GCH1: variants seen among roughly 807,000 people sequenced by gnomAD.
GCH1 encodes the protein GTP cyclohydrolase I.
In GCH1, 5 loss-of-function variants were observed where a neutral mutation model predicts 25.9. The ratio of observed to expected loss-of-function variants is 0.19; its 90% CI spans 0.10 to 0.41. The LOEUF (loss-of-function observed/expected upper bound fraction) is 0.41. GCH1 is among the 10% of genes least tolerant of loss of function. The pLI, the probability that GCH1 is intolerant of heterozygous loss-of-function variation, is 1.00. For synonymous variants in GCH1, 159 were observed against 129.6 expected (o/e 1.23, Z -1.54); for missense variants, 261 against 336.5 (o/e 0.78, Z 1.75).
intron 2 of GCH1, among the ~76,000 whole-genome samples, chr14:54,861,215 T>C (rs1288327882): frequency 2.0e-5 from 3 of 152,182 alleles, no homozygotes; most frequent in Admixed American, 6.5e-5. Context: ...CTTTAGGAAT[T>C]TGAGAAGTCC....
rs534876608 is a variant in GCH1, at chr14:54,849,351, T to A, written c.510-2221A>T. Among the ~76,000 whole-genome samples, 290 of 151,554 alleles carry A rather than the reference T, an allele frequency of 1.9e-3. 3 individuals are homozygous for A. Among genetic ancestry groups the A allele is most frequent in the Admixed American group, 4.7e-3 (71 of 15,206 alleles). ...AGCTTCCCTAGATTAAAAAAAAAAA[T>A]CTTTATTTTGCTGTCATTCTGGAAA... is the stretch of plus-strand genomic sequence containing the variant. On this transcript the variant is annotated intron_variant, in intron 3 of 5. Coordinates refer to ENST00000491895, the MANE Select transcript of GCH1 (RefSeq NM_000161.3).
chr14:54,859,665 G>A lies in GCH1; in HGVS notation c.509+16C>T, dbSNP rs1167656938. ...CTATAAACCTGTATTCTTGTTCACT[G>A]CACAGTCACACTTACCTCGCAAGTT... is the stretch of plus-strand genomic sequence containing the variant. On this transcript the variant is annotated intron_variant, in intron 3 of 5. Coordinates refer to ENST00000491895, the MANE Select transcript of GCH1 (RefSeq NM_000161.3). 1 of 1,486,840 alleles carries A rather than the reference G, an allele frequency of 6.7e-7. No homozygotes were observed. Among genetic ancestry groups the A allele is most frequent in the Non-Finnish European group, 9.4e-7 (1 of 1,064,284 alleles). The allele number at this position is 1,486,840 out of a possible 1,614,324, so 92.1% of individuals were successfully genotyped here.
chr14:54,875,490 A>C (rs889028186), intron 1 of GCH1, among the ~76,000 whole-genome samples: 4 of 152,232 alleles, frequency 2.6e-5, no homozygotes, highest in African/African-American at 9.6e-5. Context: ...AATTAAACTA[A>C]AGAGCTTCTG....
intron 1 of GCH1, chr14:54,885,324 G>T: frequency 4.2e-6 from 1 of 240,562 alleles, no homozygotes; most frequent in South Asian, 5.8e-5. Flanking sequence ...TCTTTTCAGT[G>T]AACCAGTCAA....
intron 3 of GCH1, among the ~76,000 whole-genome samples, chr14:54,850,046 C>T (rs2039701814): frequency 6.6e-6 from 1 of 152,216 alleles, no homozygotes; most frequent in Middle Eastern, 3.4e-3. Context: ...ACAATCTTAG[C>T]TCATTGGAAC....
intron 1 of GCH1, 102 bp from the exon 2 acceptor site, chr14:54,865,538 C>T (rs755074060): frequency 1.4e-6 from 1 of 700,230 alleles, no homozygotes. Flanking sequence ...CGTTAATCCT[C>T]CCTAAAATAT....
At chr14:54,873,194 T>C (rs2040106899) in intron 1 of GCH1, among the ~76,000 whole-genome samples, 1 of 152,140 alleles carries the variant, frequency 6.6e-6, no homozygotes, top group Non-Finnish European at 1.5e-5. Context: ...ATAAATTCAC[T>C]CAAAACTGCT....
chr14:54,867,943 T>G (rs2140078260), intron 1 of GCH1, among the ~76,000 whole-genome samples: 1 of 152,316 alleles, frequency 6.6e-6, no homozygotes, highest in South Asian at 2.1e-4. Context: ...AGAGGCTACC[T>G]TAACCAAATG....
intron 1 of GCH1, among the ~76,000 whole-genome samples, chr14:54,874,010 C>A (rs2040120773): frequency 6.6e-6 from 1 of 152,140 alleles, no homozygotes; most frequent in Admixed American, 6.5e-5. Context: ...CAGCATCATC[C>A]TGATACCAAA....
At chr14:54,886,051 C>T in intron 1 of GCH1, 1 of 210,518 alleles carries the variant, frequency 4.8e-6, no homozygotes. Context: ...GTACTTGTCT[C>T]CAGTGGCAGT....
chr14:54,876,742 G>A (rs546967506), intron 1 of GCH1, among the ~76,000 whole-genome samples: 42 of 152,024 alleles, frequency 2.8e-4, no homozygotes, highest in African/African-American at 9.2e-4. Context: ...GTGGAAGGAG[G>A]AGCTATGAAC....
At chr14:54,888,119 A>C (rs2040377114) in intron 1 of GCH1, among the ~76,000 whole-genome samples, 1 of 152,246 alleles carries the variant, frequency 6.6e-6, no homozygotes, top group Non-Finnish European at 1.5e-5. Flanking sequence ...GGAAGACCAT[A>C]GATCCCAAGA....
intron 2 of GCH1, among the ~76,000 whole-genome samples, chr14:54,861,395 T>C (rs1186762321): frequency 1.3e-5 from 2 of 152,296 alleles, no homozygotes; most frequent in East Asian, 3.9e-4. Context: ...TTGTTTATAC[T>C]ATTTTTGGTC....
intron 3 of GCH1, among the ~76,000 whole-genome samples, chr14:54,854,133 G>T (rs910770080): frequency 2.0e-5 from 3 of 152,204 alleles, no homozygotes; most frequent in Non-Finnish European, 4.4e-5. Context: ...GTAGATTTGT[G>T]ATTTCTGTTC....
In GCH1 at chr14:54,842,610, TA is replaced by T. The variant is rs2039575355; in HGVS notation, c.*1406del. 1 of 165,054 alleles carries T rather than the reference TA, an allele frequency of 6.1e-6. No homozygotes were observed. The highest frequency in any genetic ancestry group is 1.7e-4 in the East Asian group (1 of 6,004). 10.2% of individuals were successfully genotyped at this position (165,054 alleles called of 1,614,324 possible). A position where few individuals can be genotyped will look rare whatever the true frequency, so the allele number is the denominator to read the frequency against. ...CCATCTTGCCCCATCATAACCCAAATAGCATCAAAGTGGCAGAGATGGGACT... is the reference window on the plus strand; with the variant it reads ...CCATCTTGCCCCATCATAACCCAAATGCATCAAAGTGGCAGAGATGGGACT... On this transcript the variant is annotated 3_prime_UTR_variant, in exon 6 of 6. Transcript: ENST00000491895.
At position 54,892,248 on chromosome 14, in the gene GCH1, A is replaced by G. The variant is rs115350941; in HGVS notation, c.343+10073T>C. Among the ~76,000 whole-genome samples, 1,437 of 152,332 alleles carry G rather than the reference A, an allele frequency of 9.4e-3. 28 individuals are homozygous for G. The highest frequency in any genetic ancestry group is 0.033 in the African/African-American group (1,351 of 41,568). Reference sequence around the variant, plus strand: ...AATTTATTCTGAATGATGGCAATCCAGTTTGGTACTACCCTCAGTTTCAGG... The same window carrying G: ...AATTTATTCTGAATGATGGCAATCCGGTTTGGTACTACCCTCAGTTTCAGG... On this transcript the variant is annotated intron_variant, in intron 1 of 5. Coordinates refer to ENST00000491895, the MANE Select transcript of GCH1 (RefSeq NM_000161.3).
At position 54,843,519 on chromosome 14, in the gene GCH1, G is replaced by A. The variant is rs867725971; in HGVS notation, c.*498C>T. The A allele has an allele frequency of 7.6e-7, 1 of 1,316,544 alleles. No individual in the cohort carries two copies. Among genetic ancestry groups the A allele is most frequent in the Admixed American group, 3.7e-5 (1 of 27,236 alleles). The allele number at this position is 1,316,544 out of a possible 1,614,324, so 81.6% of individuals were successfully genotyped here. ...AAATATATTTTTAAATGTCACTGGTGGTTTAATAAACATGACCAAAGTGAA... is the reference window on the plus strand; with the variant it reads ...AAATATATTTTTAAATGTCACTGGTAGTTTAATAAACATGACCAAAGTGAA... On this transcript the variant is annotated 3_prime_UTR_variant, in exon 6 of 6. Coordinates refer to ENST00000491895, the MANE Select transcript of GCH1 (RefSeq NM_000161.3).
chr14:54,889,597 C>T (rs1181239688), intron 1 of GCH1, among the ~76,000 whole-genome samples: 2 of 152,200 alleles, frequency 1.3e-5, no homozygotes, highest in Admixed American at 6.5e-5. Context: ...CTCACCTAAA[C>T]CTGGCTGCTT....
At chr14:54,900,581 G>A (rs1370067920) in intron 1 of GCH1, among the ~76,000 whole-genome samples, 1 of 152,000 alleles carries the variant, frequency 6.6e-6, no homozygotes, top group African/African-American at 2.4e-5. Flanking sequence ...ATGAATCTTC[G>A]CTCATGAGAT....
Sources: gnomAD v4.1 joint callset for allele counts (sites outside exome capture counted in the v4.1 genomes callset) on GRCh38, gnomAD v4.1.1 for gene constraint, MANE v1.5 for transcripts, NCBI Gene and HGNC (gene_info 2026-07-23, HGNC 2026-07-21) for gene names.